AP2A2: variants seen among roughly 807,000 people sequenced by gnomAD.
AP2A2 encodes AP-2 complex subunit alpha-2.
Under a neutral mutation model 104.2 loss-of-function variants are expected in AP2A2, and 32 were observed. That is an observed-to-expected ratio of 0.31 (90% CI 0.23 to 0.41). The LOEUF (loss-of-function observed/expected upper bound fraction) is 0.41. AP2A2 is among the 10% of genes least tolerant of loss of function. AP2A2 has a pLI of 1.00. For missense variants in AP2A2, 912 were observed against 1,261.0 expected, an observed-to-expected ratio of 0.72 and a Z score of 4.19; for synonymous variants, 539 against 533.3, an observed-to-expected ratio of 1.01 and a Z score of -0.15.
At chr11:931,633 C>T (rs1171072279) in intron 1 of AP2A2, among the ~76,000 whole-genome samples, 1 of 152,130 alleles carries the variant, frequency 6.6e-6, no homozygotes, top group Non-Finnish European at 1.5e-5. Context: ...CAGGTCCTCA[C>T]ATGAAGGGGA....
chr11:988,661 C>T lies in AP2A2; in HGVS notation c.1241C>T (p.Thr414Ile), dbSNP rs777910140. 6 of 1,613,642 alleles carry T rather than the reference C, an allele frequency of 3.7e-6. No homozygotes were observed. The highest frequency in any genetic ancestry group is 2.7e-5 in the African/African-American group (2 of 74,950). Residue 414 changes from threonine (T) to isoleucine (I), a missense_variant, in exon 10 of 22, where the codon ACA becomes ATA. By Grantham distance (89) the Thr-to-Ile change is moderately conservative. This residue lies in a region of AP2A2 where 350 missense variants were observed against 487.0 expected (regional missense o/e 0.72). Transcript: ENST00000448903. ...GCCGAGATGCTGAGCTATCTGGAGA[C>T]AGCTGACTACTCCATCCGAGAAGAG... is the stretch of plus-strand genomic sequence containing the variant. Reference protein sequence around the residue: ...IVAEMLSYLETADYSIREEIV... With the variant: ...IVAEMLSYLEIADYSIREEIV...
chr11:972,922 C>T (rs529994027), intron 4 of AP2A2, among the ~76,000 whole-genome samples: 10 of 152,378 alleles, frequency 6.6e-5, no homozygotes, highest in African/African-American at 1.4e-4. Context: ...CGCGCCGGAG[C>T]GCCCTCGGCC....
At chr11:997,463 A>G (rs189165595) in intron 14 of AP2A2, among the ~76,000 whole-genome samples, 48 of 152,300 alleles carry the variant, frequency 3.2e-4, no homozygotes, top group Non-Finnish European at 4.0e-4. Flanking sequence ...GCCTGAGAGG[A>G]TAAGGAAGAT....
chr11:998,881 A>T (rs1855941618), intron 14 of AP2A2, among the ~76,000 whole-genome samples: 3 of 152,088 alleles, frequency 2.0e-5, no homozygotes, highest in Admixed American at 2.0e-4. Context: ...TTTAGTAGAG[A>T]CGGGGTTTCA....
chr11:937,907 G>A (rs754694060), intron 1 of AP2A2, among the ~76,000 whole-genome samples: 3 of 152,192 alleles, frequency 2.0e-5, no homozygotes, highest in African/African-American at 4.8e-5. Flanking sequence ...CGGAGCTCCC[G>A]AGAGGTGGAG....
intron 2 of AP2A2, among the ~76,000 whole-genome samples, chr11:965,317 G>A (rs535120836): frequency 1.3e-5 from 2 of 152,206 alleles, no homozygotes; most frequent in Non-Finnish European, 2.9e-5. Flanking sequence ...CGGGAGATGT[G>A]TAGGTAACGC....
intron 1 of AP2A2, among the ~76,000 whole-genome samples, chr11:934,893 C>G (rs1853401526): frequency 6.6e-6 from 1 of 150,510 alleles, no homozygotes; most frequent in South Asian, 2.1e-4. Context: ...GAGTCTCATT[C>G]TCTCACCCAG....
In AP2A2 at chr11:993,672, G is replaced by GCCGCCGTCCCCCCC. The variant is rs1855740369; in HGVS notation, c.1551-77_1551-64dup. 8.9e-7 allele frequency: 1 copy of GCCGCCGTCCCCCCC among 1,123,984 alleles called. No individual in the cohort carries two copies. Among genetic ancestry groups the GCCGCCGTCCCCCCC allele is most frequent in the African/African-American group, 1.6e-5 (1 of 63,572 alleles). The allele number at this position is 1,123,984 out of a possible 1,614,324, so 69.6% of individuals were successfully genotyped here. ...CCTCTGGTGCAGGCCAGGGGGTCTC[G>GCCGCCGTCCCCCCC]CCGCCGTCCCCCCCCCGCGGGGGCG... On this transcript the variant is annotated intron_variant, in intron 12 of 21. Transcript: ENST00000448903. This position sits in a 1 kb window ranked among gnomAD's most constrained non-coding sequence, Gnocchi z 8.2.
At chr11:950,263 GACTCCTACCAAAAA>G (rs1394860157) in intron 1 of AP2A2, among the ~76,000 whole-genome samples, 1 of 149,560 alleles carries the variant, frequency 6.7e-6, no homozygotes, top group Non-Finnish European at 1.5e-5. Flanking sequence ...AAAACTATGA[GACTCCTACCAAAAA>G]AACAGGAGTA....
At chr11:945,909 C>T (rs547901040) in intron 1 of AP2A2, among the ~76,000 whole-genome samples, 42 of 152,222 alleles carry the variant, frequency 2.8e-4, no homozygotes, top group Non-Finnish European at 4.9e-4. Flanking sequence ...CCAGAGGAGA[C>T]GGCGAGGATC....
intron 4 of AP2A2, among the ~76,000 whole-genome samples, chr11:976,592 G>A (rs1265459611): frequency 2.0e-5 from 3 of 152,048 alleles, no homozygotes; most frequent in Non-Finnish European, 2.9e-5. Context: ...AGCCATGGCC[G>A]GCTCCCTTCC....
At chr11:958,366 C>T (rs961718290) in intron 1 of AP2A2, among the ~76,000 whole-genome samples, 1 of 152,238 alleles carries the variant, frequency 6.6e-6, no homozygotes. Flanking sequence ...TCATGGCAGC[C>T]GGAGCAGACT....
intron 4 of AP2A2, among the ~76,000 whole-genome samples, chr11:974,197 C>T (rs1171947636): frequency 6.6e-6 from 1 of 150,936 alleles, no homozygotes; most frequent in Non-Finnish European, 1.5e-5. Flanking sequence ...GTGGGTGGCC[C>T]GTGTTCTGGT....
chr11:994,793 G>A (rs1189300731), intron 14 of AP2A2, among the ~76,000 whole-genome samples: 113 of 104,548 alleles, frequency 1.1e-3, no homozygotes, highest in African/African-American at 3.0e-3. Flanking sequence ...CACCCTGCTG[G>A]CCTGTCCCGG....
At chr11:981,063 G>A (rs1426567694) in intron 5 of AP2A2, 135 bp from the exon 6 acceptor site, 3 of 631,492 alleles carry the variant, frequency 4.8e-6, no homozygotes, top group South Asian at 4.3e-5. Flanking sequence ...TAGGTTTCTC[G>A]GAGTAGGCCT....
Position 1,003,817 on chromosome 11 carries a change from ATTAC to A in AP2A2, c.2206+17_2206+20del. On this transcript the variant is annotated intron_variant, in intron 16 of 21. Transcript: ENST00000448903. ...CGGCAGAATTTAGGTATGTGTTTTA[ATTAC>A]TTAATGAAACTGTCTCTTAGAAATA... is the stretch of plus-strand genomic sequence containing the variant. 6.5e-7 allele frequency: 1 copy of A among 1,547,814 alleles called. No individual in the cohort carries two copies. The highest frequency in any genetic ancestry group is 1.4e-5 in the African/African-American group (1 of 73,178).
chr11:966,407 A>G (rs565412384), intron 2 of AP2A2, among the ~76,000 whole-genome samples: 1 of 152,198 alleles, frequency 6.6e-6, no homozygotes, highest in East Asian at 1.9e-4. Context: ...CTGAGGTGGG[A>G]GGATCACTTG....
intron 2 of AP2A2, among the ~76,000 whole-genome samples, chr11:965,738 G>A (rs1854593101): frequency 6.6e-6 from 1 of 152,262 alleles, no homozygotes; most frequent in Admixed American, 6.5e-5. Flanking sequence ...TGCCATGCTA[G>A]TGGGAGCCCA....
intron 16 of AP2A2, among the ~76,000 whole-genome samples, chr11:1,005,983 G>A (rs749442315): frequency 1.3e-5 from 2 of 152,262 alleles, no homozygotes; most frequent in Non-Finnish European, 2.9e-5. Context: ...TCCTAAATGT[G>A]CACCTGTGCC....
Sources: allele counts gnomAD v4.1 joint callset (sites outside exome capture counted in the v4.1 genomes callset), GRCh38; gene constraint gnomAD v4.1.1; regional missense constraint gnomAD v4.1.1; non-coding constraint Gnocchi (gnomAD v3.1); transcripts MANE v1.5; gene names NCBI Gene and HGNC (gene_info 2026-07-23, HGNC 2026-07-21).